Variants in PAPPA2 observed in about 807,000 individuals in gnomAD.
PAPPA2 encodes pappalysin-2.
Under a neutral mutation model 176.4 loss-of-function variants are expected in PAPPA2, and 86 were observed. The ratio of observed to expected loss-of-function variants is 0.49; its 90% CI spans 0.41 to 0.58. PAPPA2 has a LOEUF of 0.58. Among genes scored for constraint, PAPPA2 ranks in the 20% least tolerant of loss-of-function variants. The pLI is 0.00. For missense variants in PAPPA2, 2,073 were observed against 2,256.9 expected, an observed-to-expected ratio of 0.92 and a Z score of 1.65; for synonymous variants, 809 against 852.2, an observed-to-expected ratio of 0.95 and a Z score of 0.88.
intron 1 of PAPPA2, among the ~76,000 whole-genome samples, chr1:176,494,952 G>A (rs1647517234): frequency 6.6e-6 from 1 of 152,200 alleles, no homozygotes; most frequent in African/African-American, 2.4e-5. Context: ...GGTAGGTGAA[G>A]GAGGCTTGCA....
intron 12 of PAPPA2, among the ~76,000 whole-genome samples, chr1:176,714,854 A>G (rs926363485): frequency 3.3e-5 from 5 of 152,210 alleles, no homozygotes; most frequent in Non-Finnish European, 7.3e-5. Flanking sequence ...CTCTCAATTA[A>G]CCTAATCCAA....
At chr1:176,515,423 G>C (rs1443768591) in intron 1 of PAPPA2, among the ~76,000 whole-genome samples, 1 of 152,158 alleles carries the variant, frequency 6.6e-6, no homozygotes. Flanking sequence ...CATCCAGGAG[G>C]ATTGTGATCA....
chr1:176,595,332 C>T lies in PAPPA2; in HGVS notation c.1728C>T (p.Thr576=), dbSNP rs1348997734. 1 of 1,614,052 alleles carries T rather than the reference C, an allele frequency of 6.2e-7. No homozygotes were observed. Among genetic ancestry groups the T allele is most frequent in the African/African-American group, 1.3e-5 (1 of 74,928 alleles). ...QLSVHQVHNS[T]LRHRVVLVNC... ...GCGTCCACCAGGTCCACAATTCCAC[C>T]CTGCGACACCGGGTTGTGCTTGTGA... The change falls in exon 3 of 23, where the codon ACC becomes ACT. Residue 576 remains threonine, a synonymous_variant. Coordinates refer to ENST00000367662, the MANE Select transcript of PAPPA2 (RefSeq NM_020318.3).
Position 176,711,844 on chromosome 1 carries a change from T to G in PAPPA2, c.3661T>G (p.Ser1221Ala). The change falls in exon 12 of 23, where the codon TCA (serine) becomes GCA (alanine). Residue 1221 changes from serine (S) to alanine (A), a missense_variant. This residue lies in a region of PAPPA2 where 846 missense variants were observed against 857.9 expected (regional missense o/e 0.99). Transcript: ENST00000367662. ...TGEPHSLICT[S>A]YHPDLPNHRP... ...TGAAATTGTATTTCAGATTTGCACA[T>G]CATACCATCCAGATTTACCCAACCA... is the stretch of plus-strand genomic sequence containing the variant. The G allele has an allele frequency of 6.2e-7, 1 of 1,606,106 alleles. No homozygotes were observed. Among genetic ancestry groups the G allele is most frequent in the Non-Finnish European group, 8.5e-7 (1 of 1,173,148 alleles).
intron 1 of PAPPA2, among the ~76,000 whole-genome samples, chr1:176,488,664 A>G (rs536756969): frequency 1.3e-5 from 2 of 152,298 alleles, no homozygotes; most frequent in South Asian, 4.1e-4. Context: ...TGTAAATACT[A>G]TCATTTGTTC....
Position 176,699,899 on chromosome 1 carries a change from A to T in PAPPA2, c.3236+310A>T, listed in dbSNP as rs1337029130. Among the ~76,000 whole-genome samples, 4 of 152,328 alleles carry T rather than the reference A, an allele frequency of 2.6e-5. No homozygotes were observed. The East Asian group carries it at 7.7e-4, about 29-fold the overall frequency. On this transcript the variant is annotated intron_variant, in intron 8 of 22. Coordinates refer to ENST00000367662, the MANE Select transcript of PAPPA2 (RefSeq NM_020318.3). ...CAGAATCAGATACTCCTGTCTGGTG[A>T]CAATTTAATTTCTGATTCTTTGCTT... is the stretch of plus-strand genomic sequence containing the variant.
At position 176,646,486 on chromosome 1, in the gene PAPPA2, T is replaced by C. The variant is rs182539857; in HGVS notation, c.1992-24484T>C. ...CTTGACAATAATCACCCAGTTGTGC[T>C]ATAACATACTAGATCTTATTGATTT... On this transcript the variant is annotated intron_variant, in intron 3 of 22. Transcript: ENST00000367662. Among the ~76,000 whole-genome samples the C allele has an allele frequency of 5.5e-3, 826 of 150,894 alleles. 5 individuals are homozygous for C. Among genetic ancestry groups the C allele is most frequent in the Non-Finnish European group, 7.1e-3 (477 of 67,410 alleles).
At chr1:176,491,042 G>A (rs182043145) in intron 1 of PAPPA2, among the ~76,000 whole-genome samples, 1 of 152,308 alleles carries the variant, frequency 6.6e-6, no homozygotes, top group Admixed American at 6.5e-5. Flanking sequence ...TTCTCTAACT[G>A]GCTTTGCTGC....
intron 14 of PAPPA2, among the ~76,000 whole-genome samples, chr1:176,763,649 T>C (rs1340422973): frequency 6.6e-6 from 1 of 152,212 alleles, no homozygotes; most frequent in Non-Finnish European, 1.5e-5. Context: ...GTTGGAACAT[T>C]GAGCATTTAA....
intron 3 of PAPPA2, among the ~76,000 whole-genome samples, chr1:176,640,076 A>G (rs1410903601): frequency 2.6e-5 from 4 of 151,620 alleles, no homozygotes; most frequent in Non-Finnish European, 4.4e-5. Context: ...CAGAGCTACA[A>G]TTTTTGTCAC....
intron 6 of PAPPA2, 32 bp downstream of exon 6, chr1:176,692,350 C>T (rs762961259): frequency 3.2e-6 from 5 of 1,548,600 alleles, no homozygotes; most frequent in Non-Finnish European, 4.4e-6. Flanking sequence ...GGTGAGCTGG[C>T]TTATTTCTCT....
chr1:176,536,507 A>C (rs1650072697), intron 1 of PAPPA2, among the ~76,000 whole-genome samples: 1 of 152,168 alleles, frequency 6.6e-6, no homozygotes, highest in Admixed American at 6.5e-5. Flanking sequence ...CATGCTTCCA[A>C]GGTTGGCTGC....
At chr1:176,583,449 TA>T (rs1454301980) in intron 2 of PAPPA2, among the ~76,000 whole-genome samples, 1 of 152,180 alleles carries the variant, frequency 6.6e-6, no homozygotes, top group African/African-American at 2.4e-5. Context: ...GAAATTTATG[TA>T]TTATCTTATT....
chr1:176,653,595 A>G (rs1180014920), intron 3 of PAPPA2, among the ~76,000 whole-genome samples: 1 of 151,634 alleles, frequency 6.6e-6, no homozygotes, highest in African/African-American at 2.4e-5. Context: ...AAATTTAGTA[A>G]TGATTAAGTC....
At chr1:176,475,027 T>A (rs1652048290) in intron 1 of PAPPA2, among the ~76,000 whole-genome samples, 1 of 152,160 alleles carries the variant, frequency 6.6e-6, no homozygotes, top group East Asian at 1.9e-4. Flanking sequence ...TAAGTGGTGG[T>A]CATTGTTGGT....
At chr1:176,598,797 A>G (rs1260030803) in intron 3 of PAPPA2, among the ~76,000 whole-genome samples, 2 of 151,972 alleles carry the variant, frequency 1.3e-5, no homozygotes, top group Non-Finnish European at 2.9e-5. Flanking sequence ...AGTCTTGGCC[A>G]GTTGTCTTTA....
At chr1:176,510,829 A>ACACACG (rs1192888794) in intron 1 of PAPPA2, among the ~76,000 whole-genome samples, 1 of 151,438 alleles carries the variant, frequency 6.6e-6, no homozygotes, top group Non-Finnish European at 1.5e-5. Context: ...ACACACACAC[A>ACACACG]CACACACACA....
chr1:176,532,892 C>G (rs532947231), intron 1 of PAPPA2, among the ~76,000 whole-genome samples: 58 of 152,300 alleles, frequency 3.8e-4, no homozygotes, highest in Non-Finnish European at 6.3e-4. Context: ...TTGCCCACCC[C>G]CTGTGGGCAC....
chr1:176,609,680 C>A (rs1195753718), intron 3 of PAPPA2, among the ~76,000 whole-genome samples: 1 of 152,154 alleles, frequency 6.6e-6, no homozygotes, highest in Admixed American at 6.5e-5. Flanking sequence ...GCCCATGAGG[C>A]CATTCTCAAT....
Sources: gnomAD v4.1 joint callset for allele counts (sites outside exome capture counted in the v4.1 genomes callset) on GRCh38, gnomAD v4.1.1 for gene constraint, gnomAD v4.1.1 regional missense constraint, MANE v1.5 for transcripts, NCBI Gene and HGNC (gene_info 2026-07-23, HGNC 2026-07-21) for gene names.